Variants in PLCH2 observed in about 807,000 individuals in gnomAD.
The protein encoded by PLCH2 is 1-phosphatidylinositol 4,5-bisphosphate phosphodiesterase eta-2.
Under a neutral mutation model 134.7 loss-of-function variants are expected in PLCH2, and 98 were observed. The ratio of observed to expected loss-of-function variants is 0.73; its 90% CI spans 0.62 to 0.86. PLCH2 has a LOEUF of 0.86. Among genes scored for constraint, PLCH2 ranks in the 40% least tolerant of loss-of-function variants. The pLI, the probability that PLCH2 is intolerant of heterozygous loss-of-function variation, is 0.00. For missense variants in PLCH2, 1,994 were observed against 1,986.6 expected, an observed-to-expected ratio of 1.00 and a Z score of -0.07; for synonymous variants, 974 against 827.5, an observed-to-expected ratio of 1.18 and a Z score of -3.04.
At chr1:2,467,409 G>A, upstream of PLCH2, 1 of 387,216 alleles carries the variant, frequency 2.6e-6, no homozygotes, top group East Asian at 3.7e-5. Context: ...GGGAGGGGCG[G>A]TCCCAGCGGC....
At chr1:2,490,777 A>G (rs991234414) in intron 10 of PLCH2, among the ~76,000 whole-genome samples, 1 of 152,078 alleles carries the variant, frequency 6.6e-6, no homozygotes, top group Admixed American at 6.5e-5. Flanking sequence ...CCCTGTCCTC[A>G]AGGATTCCAA....
At chr1:2,422,636 T>A (rs1570173922), upstream of PLCH2, among the ~76,000 whole-genome samples, 1 of 152,318 alleles carries the variant, frequency 6.6e-6, no homozygotes, top group East Asian at 1.9e-4. Context: ...TATCATCTGT[T>A]GTGTTACATT....
At chr1:2,468,175 A>G (rs2477695) in intron 1 of PLCH2, among the ~76,000 whole-genome samples, 70,339 of 151,758 alleles carry the variant, frequency 0.46, 17,155 homozygotes, top group East Asian at 0.59. Flanking sequence ...GAGGTTGGCA[A>G]AGGTGGCCCT....
chr1:2,503,977 CATCG>C lies in PLCH2; in HGVS notation c.3016_3019del (p.Ile1006LeufsTer39). 6.6e-7 allele frequency: 1 copy of C among 1,515,256 alleles called. No homozygotes were observed. The highest frequency in any genetic ancestry group is 8.9e-7 in the Non-Finnish European group (1 of 1,117,332). The allele number at this position is 1,515,256 out of a possible 1,614,324, so 93.9% of individuals were successfully genotyped here. On this transcript the variant is annotated frameshift_variant, in exon 22 of 22. Transcript: ENST00000378486. LOFTEE classifies it high-confidence loss of function. ...TCCCCCCACTGTGCAGCCTGGAAAC[CATCG>C]CTGAGGAGCCCGCCCCAGGCCCTGG...
chr1:2,455,274 G>C (rs1459950390), intron 2 of PLCH2, among the ~76,000 whole-genome samples: 1 of 152,188 alleles, frequency 6.6e-6, no homozygotes, highest in Non-Finnish European at 1.5e-5. Flanking sequence ...GGCCAGTCTA[G>C]GCTGGGTGCT....
At chr1:2,481,547 C>T (rs113261179) in intron 4 of PLCH2, among the ~76,000 whole-genome samples, 2,179 of 152,352 alleles carry the variant, frequency 0.014, 59 homozygotes, top group African/African-American at 0.049. Context: ...TGGGAGGAGA[C>T]AGATGCCCCT....
chr1:2,418,771 C>T, the PLCH2 span, among the ~76,000 whole-genome samples: 1 of 152,190 alleles, frequency 6.6e-6, no homozygotes, highest in Non-Finnish European at 1.5e-5. Flanking sequence ...AGACACCTGA[C>T]CTGTGCGCTT....
At position 2,502,268 on chromosome 1, in the gene PLCH2, G is replaced by T; in HGVS notation, c.2818G>T (p.Gly940Cys). The part of the protein sequence containing the change: ...ASAPTKSQKP[G>C]RRGFPELVLG... The stretch of plus-strand genomic sequence containing the variant: ...CGCCCCGACCAAGAGCCAGAAGCCG[G>T]GCCGCAGGGGCTTCCCGGAGCTGGT... Residue 940 changes from glycine (G) to cysteine (C), a missense_variant, in exon 21 of 22, where the codon GGC becomes TGC. This residue lies in a region of PLCH2 where 900 missense variants were observed against 752.3 expected (regional missense o/e 1.20). Transcript: ENST00000378486. 6.5e-7 allele frequency: 1 copy of T among 1,540,112 alleles called. No homozygotes were observed.
intron 11 of PLCH2, among the ~76,000 whole-genome samples, chr1:2,492,097 C>G (rs1263354980): frequency 1.3e-5 from 2 of 152,234 alleles, no homozygotes; most frequent in Non-Finnish European, 2.9e-5. Flanking sequence ...GGCACCGGCT[C>G]GTTCTGCCTG....
At chr1:2,451,284 G>C (rs1170350082) in intron 2 of PLCH2, among the ~76,000 whole-genome samples, 2 of 152,206 alleles carry the variant, frequency 1.3e-5, no homozygotes, top group African/African-American at 4.8e-5. Flanking sequence ...TGTGGGGTCT[G>C]GGGCCAGAGA....
At position 2,505,265 on chromosome 1, in the gene PLCH2, C is replaced by T. The variant is rs944955523; in HGVS notation, c.*52C>T. The T allele has an allele frequency of 9.9e-6, 14 of 1,409,232 alleles. No individual in the cohort carries two copies. The highest frequency in any genetic ancestry group is 2.9e-5 in the African/African-American group (2 of 69,818). 87.3% of individuals were successfully genotyped at this position (1,409,232 alleles called of 1,614,324 possible). Reference sequence around the variant, plus strand: ...TCTGGAGGCCCAGGGCAGGGGTGGGCGTGTTGTTTGCTCAGGAAACAGGGC... The same window carrying T: ...TCTGGAGGCCCAGGGCAGGGGTGGGTGTGTTGTTTGCTCAGGAAACAGGGC... On this transcript the variant is annotated 3_prime_UTR_variant, in exon 22 of 22. Coordinates refer to ENST00000378486, the MANE Select transcript of PLCH2 (RefSeq NM_014638.4).
At chr1:2,423,054 G>T (rs1638598113), upstream of PLCH2, among the ~76,000 whole-genome samples, 1 of 152,192 alleles carries the variant, frequency 6.6e-6, no homozygotes, top group Non-Finnish European at 1.5e-5. Context: ...GACTCACAGT[G>T]ATGAATACAA....
chr1:2,504,406 C>G lies in PLCH2; in HGVS notation c.3444C>G (p.Ser1148Arg), dbSNP rs1327778228. The G allele has an allele frequency of 5.6e-6, 9 of 1,612,454 alleles. No homozygotes were observed. The highest frequency in any genetic ancestry group is 6.8e-6 in the Non-Finnish European group (8 of 1,179,790). The change falls in exon 22 of 22, where the codon AGC becomes AGG. Residue 1148 changes from serine to arginine, a missense_variant. Physicochemically the swap from Ser to Arg is moderately radical, Grantham distance 110. Transcript: ENST00000378486. ...GAGACAGCGTTTCCTCCTCCTCCAG[C>G]ATGTCATCCAGCGACACTGTCATTG... ...GHRDSVSSSS[S>R]MSSSDTVIDL... is the part of the protein sequence containing the mutation.
chr1:2,464,116 G>C (rs77387089), upstream of PLCH2, among the ~76,000 whole-genome samples: 1,813 of 152,330 alleles, frequency 0.012, 40 homozygotes, highest in African/African-American at 0.041. Flanking sequence ...CCTCCCTGGC[G>C]GCACAGGGTG....
At chr1:2,481,063 CACAT>C (rs1348546361) in intron 4 of PLCH2, among the ~76,000 whole-genome samples, 2 of 152,226 alleles carry the variant, frequency 1.3e-5, no homozygotes, top group South Asian at 2.1e-4. Context: ...CACACACGTG[CACAT>C]ACACATATGC....
At chr1:2,497,050 C>G in intron 15 of PLCH2, 40 bp downstream of exon 15, 1 of 1,586,262 alleles carries the variant, frequency 6.3e-7, no homozygotes, top group Non-Finnish European at 8.6e-7. Context: ...GTGGGGAGGG[C>G]TCGGCTCAGA....
intron 2 of PLCH2, among the ~76,000 whole-genome samples, chr1:2,450,693 TG>T (rs1360940356): frequency 4.0e-4 from 7 of 17,582 alleles, no homozygotes; most frequent in African/African-American, 1.6e-3. Context: ...TCTCCCCGCC[TG>T]CCCCCCCGCT....
At chr1:2,433,544 G>A (rs750421289) in intron 2 of PLCH2, among the ~76,000 whole-genome samples, 1 of 152,202 alleles carries the variant, frequency 6.6e-6, no homozygotes, top group East Asian at 1.9e-4. Context: ...GCTGGCACAG[G>A]TGGGAACGGT....
In PLCH2 at chr1:2,495,516, C is replaced by T; in HGVS notation, c.1781C>T (p.Ala594Val). 3 of 1,552,032 alleles carry T rather than the reference C, an allele frequency of 1.9e-6. No homozygotes were observed. Among genetic ancestry groups the T allele is most frequent in the Non-Finnish European group, 2.6e-6 (3 of 1,147,248 alleles). ...KKKGSKLKKA[A>V]SVEEGDEGQD... Reference sequence around the variant, plus strand: ...AAGGGCAGCAAGCTGAAGAAGGCGGCCAGCGTGGAGGAGGGAGATGAGGGT... The same window carrying T: ...AAGGGCAGCAAGCTGAAGAAGGCGGTCAGCGTGGAGGAGGGAGATGAGGGT... Residue 594 changes from alanine to valine, a missense_variant, in exon 13 of 22, where the codon GCC becomes GTC. Coordinates refer to ENST00000378486, the MANE Select transcript of PLCH2 (RefSeq NM_014638.4).
Sources: allele counts gnomAD v4.1 joint callset (sites outside exome capture counted in the v4.1 genomes callset), GRCh38; gene constraint gnomAD v4.1.1; regional missense constraint gnomAD v4.1.1; transcripts MANE v1.5; gene names NCBI Gene and HGNC (gene_info 2026-07-23, HGNC 2026-07-21).